The following PTGES3 variants were observed in gnomAD, a reference collection of about 807,000 sequenced individuals.
PTGES3 encodes the protein Hsp90 co-chaperone.
In PTGES3, 5 loss-of-function variants were observed where a neutral mutation model predicts 29.9. That is an observed-to-expected ratio of 0.17 (90% confidence interval 0.09 to 0.35). PTGES3 has a LOEUF of 0.35. PTGES3 is among the 10% of genes least tolerant of loss of function. PTGES3 has a pLI of 1.00. For synonymous variants in PTGES3, 49 were observed against 57.8 expected (o/e 0.85, Z 0.69); for missense variants, 128 against 190.0 (o/e 0.67, Z 1.92).
chr12:56,673,311 A>G (rs1417823984), intron 1 of PTGES3, among the ~76,000 whole-genome samples: 1 of 151,990 alleles, frequency 6.6e-6, no homozygotes, highest in Non-Finnish European at 1.5e-5. Context: ...TAGTAGAGTT[A>G]GCCGTTTATC....
chr12:56,686,981 G>A (rs1197421216), intron 1 of PTGES3: 2 of 144,544 alleles, frequency 1.4e-5, no homozygotes, highest in East Asian at 1.5e-4. Context: ...GACGTAGTTA[G>A]TACCTTGAAA....
chr12:56,665,235 G>T (rs1951740266), intron 6 of PTGES3: 1 of 979,952 alleles, frequency 1.0e-6, no homozygotes, highest in Admixed American at 6.2e-5. Flanking sequence ...GAAAGATGTT[G>T]AGAAAAGTAG....
At chr12:56,684,475 T>C (rs1240309144) in intron 1 of PTGES3, among the ~76,000 whole-genome samples, 2 of 152,156 alleles carry the variant, frequency 1.3e-5, no homozygotes, top group African/African-American at 4.8e-5. Context: ...CGACAATTTG[T>C]TTTGCAGGCT....
intron 1 of PTGES3, among the ~76,000 whole-genome samples, chr12:56,676,946 A>AAAAG (rs1952281293): frequency 6.9e-6 from 1 of 145,912 alleles, no homozygotes; most frequent in African/African-American, 2.7e-5. Context: ...AAAAAAAAAA[A>AAAAG]TAGTGCTGGC....
At chr12:56,675,907 C>T (rs184071407) in intron 1 of PTGES3, among the ~76,000 whole-genome samples, 16 of 151,422 alleles carry the variant, frequency 1.1e-4, no homozygotes, top group Admixed American at 9.9e-4. Flanking sequence ...TGGACAACAG[C>T]GTGAAACTCC....
chr12:56,687,635 G>A (rs1592294386), intron 1 of PTGES3: 2 of 1,163,402 alleles, frequency 1.7e-6, no homozygotes. Context: ...CCAAGCAGCC[G>A]AGAGGCGACC....
At chr12:56,666,030 AATAG>A in intron 6 of PTGES3, 170 bp downstream of exon 6, 2 of 1,381,446 alleles carry the variant, frequency 1.4e-6, no homozygotes, top group Middle Eastern at 2.7e-4. Flanking sequence ...CCAGTTCCCT[AATAG>A]ATACCCCCAT....
chr12:56,686,784 G>C (rs17118921), intron 1 of PTGES3: 15,706 of 397,922 alleles, frequency 0.039, 976 homozygotes, highest in African/African-American at 0.19. Context: ...TGATAAACTC[G>C]CTTCAGCCTC....
At chr12:56,672,177 C>A (rs1952029546) in intron 3 of PTGES3, among the ~76,000 whole-genome samples, 1 of 152,040 alleles carries the variant, frequency 6.6e-6, no homozygotes. Context: ...AATGATATAA[C>A]CACAGAATGG....
At chr12:56,676,788 T>C (rs1486049187) in intron 1 of PTGES3, among the ~76,000 whole-genome samples, 1 of 151,528 alleles carries the variant, frequency 6.6e-6, no homozygotes, top group East Asian at 1.9e-4. Context: ...ACAGGCATGG[T>C]GGCGCGCTCC....
intron 1 of PTGES3, chr12:56,687,379 T>G (rs1952925428): frequency 1.0e-6 from 1 of 987,618 alleles, no homozygotes. Flanking sequence ...CTCCCGTGTT[T>G]TCAAGAGACT....
intron 1 of PTGES3, among the ~76,000 whole-genome samples, chr12:56,683,075 G>C (rs1200593687): frequency 6.6e-6 from 1 of 151,952 alleles, no homozygotes; most frequent in Non-Finnish European, 1.5e-5. Context: ...TGCCGGCTGC[G>C]GCAGTAGCTC....
At chr12:56,679,780 T>A (rs1488029765) in intron 1 of PTGES3, among the ~76,000 whole-genome samples, 1 of 152,046 alleles carries the variant, frequency 6.6e-6, no homozygotes, top group Non-Finnish European at 1.5e-5. Context: ...GTTGAAGCAA[T>A]TCTTCTGCCT....
chr12:56,677,830 G>A (rs1200745748), intron 1 of PTGES3, among the ~76,000 whole-genome samples: 1 of 152,108 alleles, frequency 6.6e-6, no homozygotes, highest in Admixed American at 6.6e-5. Flanking sequence ...GGCTTATGTT[G>A]AGTATCACTG....
At chr12:56,683,898 T>C (rs1199356495) in intron 1 of PTGES3, among the ~76,000 whole-genome samples, 2 of 146,356 alleles carry the variant, frequency 1.4e-5, no homozygotes, top group African/African-American at 2.5e-5. Context: ...GGGCGGAGCC[T>C]GCAGTGAGCC....
intron 5 of PTGES3, among the ~76,000 whole-genome samples, chr12:56,668,446 CAG>C (rs1951868833): frequency 6.6e-6 from 1 of 152,094 alleles, no homozygotes; most frequent in Non-Finnish European, 1.5e-5. Flanking sequence ...AAAACAAAAA[CAG>C]TGTTATAAGG....
intron 5 of PTGES3, among the ~76,000 whole-genome samples, chr12:56,668,530 G>T (rs1299690843): frequency 1.3e-5 from 2 of 152,204 alleles, no homozygotes; most frequent in Non-Finnish European, 2.9e-5. Context: ...CTTGAGCTCA[G>T]GAGTTCAAGA....
chr12:56,679,191 C>T (rs1440525106), intron 1 of PTGES3, among the ~76,000 whole-genome samples: 2 of 152,032 alleles, frequency 1.3e-5, no homozygotes, highest in Non-Finnish European at 2.9e-5. Flanking sequence ...TGGCAGATTA[C>T]TGGAGGCCAG....
At chr12:56,686,775 GA>G in intron 1 of PTGES3, 1 of 397,930 alleles carries the variant, frequency 2.5e-6, no homozygotes, top group East Asian at 3.6e-5. Context: ...TGTTCCCAGT[GA>G]TAAACTCGCT....
Sources: allele counts gnomAD v4.1 joint callset (sites outside exome capture counted in the v4.1 genomes callset), GRCh38; gene constraint gnomAD v4.1.1; transcripts MANE v1.5; gene names NCBI Gene and HGNC (gene_info 2026-07-23, HGNC 2026-07-21).